TMEM132A: variants seen among roughly 807,000 people sequenced by gnomAD.
The protein encoded by TMEM132A is transmembrane protein 132A.
Under a neutral mutation model 69.9 loss-of-function variants are expected in TMEM132A, and 48 were observed. The observed-to-expected ratio is 0.69, with a 90% confidence interval of 0.55 to 0.87. The LOEUF (loss-of-function observed/expected upper bound fraction) is 0.87. Ranked by LOEUF, TMEM132A falls within the 40% of genes least tolerant of loss-of-function variation. The probability of loss-of-function intolerance (pLI) is 0.00; values close to 1 mark genes in which losing one functional copy is unlikely to be tolerated. For missense variants in TMEM132A, 1,287 were observed against 1,407.2 expected (o/e 0.91, Z 1.37); for synonymous variants, 577 against 613.7 (o/e 0.94, Z 0.88).
chr11:60,934,279 G>T, intron 8 of TMEM132A: 2 of 444,530 alleles, frequency 4.5e-6, no homozygotes, highest in Non-Finnish European at 7.7e-6. Context: ...GGTGATCGAG[G>T]CACAGCGCCA....
At position 60,927,837 on chromosome 11, in the gene TMEM132A, C is replaced by T. The variant is rs369462368; in HGVS notation, c.512C>T (p.Ala171Val). 24 of 1,609,916 alleles carry T rather than the reference C, an allele frequency of 1.5e-5. No homozygotes were observed. Among genetic ancestry groups the T allele is most frequent in the South Asian group, 8.8e-5 (8 of 91,004 alleles). ...CATGCCACACACCCTGCCGGCACTG[C>T]TCACCAAGCCTGCCGCTTCCAGGTG... ...RLHATHPAGT[A>V]HQACRFQPSL... is the part of the protein sequence containing the mutation. Residue 171 changes from alanine (A) to valine (V), a missense_variant, in exon 3 of 11, where the codon GCT (alanine) becomes GTT (valine). Coordinates refer to ENST00000453848, the MANE Select transcript of TMEM132A (RefSeq NM_178031.3).
chr11:60,934,248 G>A (rs1033276643), intron 8 of TMEM132A: 1 of 415,958 alleles, frequency 2.4e-6, no homozygotes, highest in Admixed American at 4.5e-5. Flanking sequence ...TCTCCCCTGC[G>A]GTCCACTTGG....
intron 3 of TMEM132A, among the ~76,000 whole-genome samples, chr11:60,928,206 A>G (rs1397631674): frequency 6.6e-6 from 1 of 152,256 alleles, no homozygotes; most frequent in African/African-American, 2.4e-5. Flanking sequence ...TCAATCAGCC[A>G]GTGTGTTTGC....
chr11:60,932,396 A>G (rs1002938214), intron 7 of TMEM132A: 19 of 342,248 alleles, frequency 5.6e-5, no homozygotes, highest in African/African-American at 3.8e-4. Flanking sequence ...TCGAGAGCAC[A>G]TACTCTGGGA....
rs1264938195 is a variant in TMEM132A, at chr11:60,927,694, G to A, written c.369G>A (p.Val123=). The A allele has an allele frequency of 1.2e-6, 2 of 1,613,610 alleles. No homozygotes were observed. Residue 123 remains valine, a synonymous_variant, in exon 3 of 11, where the codon GTG becomes GTA. Coordinates refer to ENST00000453848, the MANE Select transcript of TMEM132A (RefSeq NM_178031.3). ...EPHQRPVPWD[V]RAVSVEAAVT... ...ACCAACGGCCAGTCCCATGGGACGT[G>A]CGGGCCGTTTCAGTGGAAGCGGCTG...
intron 4 of TMEM132A, among the ~76,000 whole-genome samples, chr11:60,929,557 T>C (rs1307227556): frequency 6.6e-6 from 1 of 152,164 alleles, no homozygotes; most frequent in Non-Finnish European, 1.5e-5. Context: ...CAGGAATCCA[T>C]GGGAGAGGCA....
At chr11:60,934,442 G>C in intron 8 of TMEM132A, 46 bp from the exon 9 acceptor site, 1 of 1,334,354 alleles carries the variant, frequency 7.5e-7, no homozygotes, top group Non-Finnish European at 9.6e-7. Context: ...GGGCAGGCTG[G>C]GGCCGCTCAG....
chr11:60,928,670 G>A lies in TMEM132A; in HGVS notation c.576G>A (p.Ser192=), dbSNP rs147175493. The part of the protein sequence containing the change: ...GACVVELELP[S]HWFSQASTTR... ...GCGTGGTGGAGCTGGAGCTTCCCTC[G>A]CACTGGTTCTCACAGGCCTCCACCA... Residue 192 remains serine (S), a synonymous_variant, in exon 4 of 11, where the codon TCG becomes TCA. Coordinates refer to ENST00000453848, the MANE Select transcript of TMEM132A (RefSeq NM_178031.3). The A allele has an allele frequency of 1.2e-5, 19 of 1,610,614 alleles. No homozygotes were observed. In the East Asian group the frequency reaches 1.8e-4, roughly 15 times the overall value.
At position 60,935,103 on chromosome 11, in the gene TMEM132A, C is replaced by T. The variant is rs904500212; in HGVS notation, c.1837-149C>T. On this transcript the variant is annotated intron_variant, in intron 9 of 10. Coordinates refer to ENST00000453848, the MANE Select transcript of TMEM132A (RefSeq NM_178031.3). The surrounding 1 kb of genome is among the most constrained non-coding windows in gnomAD (Gnocchi z 5.0). ...AGCCCATGAGCCTGCTGGGAGTACC[C>T]GGTTCCCTCTGGGTGGGGGCTGTCC... 8 of 734,592 alleles carry T rather than the reference C, an allele frequency of 1.1e-5. No individual in the cohort carries two copies. Among genetic ancestry groups the T allele is most frequent in the South Asian group, 1.9e-5 (1 of 53,860 alleles). 45.5% of individuals were successfully genotyped at this position (734,592 alleles called of 1,614,324 possible).
At position 60,933,550 on chromosome 11, in the gene TMEM132A, G is replaced by A. The variant is rs1180317232; in HGVS notation, c.1365G>A (p.Glu455=). The A allele has an allele frequency of 6.2e-7, 1 of 1,607,160 alleles. No homozygotes were observed. Among genetic ancestry groups the A allele is most frequent in the South Asian group, 1.1e-5 (1 of 90,830 alleles). Residue 455 remains glutamate, a synonymous_variant, in exon 8 of 11, where the codon GAG becomes GAA. Coordinates refer to ENST00000453848, the MANE Select transcript of TMEM132A (RefSeq NM_178031.3). ...SANTQVLQVS[E]ACDAVFVAGK... is the part of the protein sequence containing the mutation. ...CCTCTGCCCTTCCATAGGTGTCTGA[G>A]GCCTGTGATGCCGTGTTCGTGGCTG...
At position 60,936,714 on chromosome 11, in the gene TMEM132A, G is replaced by A. The variant is rs769485081; in HGVS notation, c.2879G>A (p.Arg960Gln). The stretch of plus-strand genomic sequence containing the variant: ...GCCCGAAAGGAGGCTGGGGGGCGGC[G>A]GAAGCGAGTAGAGTTTGTGACATTT... ...TLARKEAGGR[R>Q]KRVEFVTFAP... Residue 960 changes from arginine to glutamine, a missense_variant, in exon 11 of 11, where the codon CGG becomes CAG. Arg to Gln is a conservative substitution (Grantham distance 43). Coordinates refer to ENST00000453848, the MANE Select transcript of TMEM132A (RefSeq NM_178031.3). 3.5e-5 allele frequency: 55 copies of A among 1,579,420 alleles called. No homozygotes were observed. The highest frequency in any genetic ancestry group is 4.3e-5 in the Non-Finnish European group (50 of 1,163,240).
chr11:60,927,647 C>T lies in TMEM132A; in HGVS notation c.322C>T (p.Pro108Ser). 1 of 1,609,560 alleles carries T rather than the reference C, an allele frequency of 6.2e-7. No individual in the cohort carries two copies. Among genetic ancestry groups the T allele is most frequent in the Non-Finnish European group, 8.5e-7 (1 of 1,178,588 alleles). ...YPPFATQQVV[P>S]PRVTEPHQRP... ...CCTCTCATTCTCCCTCCAGGTGGTC[C>T]CCCCTCGAGTCACTGAGCCCCACCA... Residue 108 changes from proline (P) to serine (S), a missense_variant, in exon 3 of 11, where the codon CCC becomes TCC. By Grantham distance (74) the Pro-to-Ser change is moderately conservative. Coordinates refer to ENST00000453848, the MANE Select transcript of TMEM132A (RefSeq NM_178031.3).
rs1243552066 is a variant in TMEM132A, at chr11:60,934,601, C to G, written c.1673C>G (p.Pro558Arg). ...TTCCTCGCCCCCTTCGCGGCCCACCCGCTGGACGGCGGCCGCCGCCTCACG... is the reference window on the plus strand; with the variant it reads ...TTCCTCGCCCCCTTCGCGGCCCACCGGCTGGACGGCGGCCGCCGCCTCACG... ...VRFLAPFAAH[P>R]LDGGRRLTHL... Residue 558 changes from proline to arginine, a missense_variant, in exon 9 of 11, where the codon CCG (proline) becomes CGG (arginine). By Grantham distance (103) the Pro-to-Arg change is moderately radical (BLOSUM62 -2). Transcript: ENST00000453848. 6.4e-7 allele frequency: 1 copy of G among 1,574,228 alleles called. No individual in the cohort carries two copies. The highest frequency in any genetic ancestry group is 8.6e-7 in the Non-Finnish European group (1 of 1,169,106).
At chr11:60,933,930 C>G (rs1367317998) in intron 8 of TMEM132A, 186 bp downstream of exon 8, 1 of 599,168 alleles carries the variant, frequency 1.7e-6, no homozygotes, top group Non-Finnish European at 2.9e-6. Flanking sequence ...TTGCTGACTT[C>G]CGCATCCCTC....
Position 60,935,243 on chromosome 11 carries a change from C to G in TMEM132A, c.1837-9C>G, listed in dbSNP as rs777414370. 1 of 1,599,076 alleles carries G rather than the reference C, an allele frequency of 6.3e-7. No individual in the cohort carries two copies. The highest frequency in any genetic ancestry group is 1.3e-5 in the African/African-American group (1 of 74,856). On this transcript the variant is annotated splice_polypyrimidine_tract_variant and intron_variant, in intron 9 of 10. Coordinates refer to ENST00000453848, the MANE Select transcript of TMEM132A (RefSeq NM_178031.3). This position sits in a 1 kb window ranked among gnomAD's most constrained non-coding sequence, Gnocchi z 5.0. ...AGGCCCCCCACCTCCAGCTCCTTTC[C>G]ACCCTCAGGTGCGTTCCCCACTGTC...
At position 60,936,696 on chromosome 11, in the gene TMEM132A, A is replaced by G. The variant is rs747127032; in HGVS notation, c.2861A>G (p.Lys954Arg). 1.9e-6 allele frequency: 3 copies of G among 1,569,458 alleles called. No individual in the cohort carries two copies. Among genetic ancestry groups the G allele is most frequent in the Non-Finnish European group, 2.6e-6 (3 of 1,157,848 alleles). ...TTSSSSTLAR[K>R]EAGGRRKRVE... ...AGCTCCTCAAGCACCCTGGCCCGAA[A>G]GGAGGCTGGGGGGCGGCGGAAGCGA... is the stretch of plus-strand genomic sequence containing the variant. Residue 954 changes from lysine to arginine, a missense_variant, in exon 11 of 11, where the codon AAG becomes AGG. Coordinates refer to ENST00000453848, the MANE Select transcript of TMEM132A (RefSeq NM_178031.3).
rs767889863 is a variant in TMEM132A, at chr11:60,936,946, C to A, written c.*39C>A. 2.0e-6 allele frequency: 3 copies of A among 1,486,372 alleles called. No homozygotes were observed. The highest frequency in any genetic ancestry group is 2.7e-6 in the Non-Finnish European group (3 of 1,115,198). 92.1% of individuals were successfully genotyped at this position (1,486,372 alleles called of 1,614,324 possible). A position where few individuals can be genotyped will look rare whatever the true frequency, so the allele number is the denominator to read the frequency against. ...CCTGGTCAGCCACCAGCTGGGGCAA[C>A]GAGGGTGGAGGTCCCACTGAGCCTC... On this transcript the variant is annotated 3_prime_UTR_variant, in exon 11 of 11. Transcript: ENST00000453848.
Position 60,928,954 on chromosome 11 carries a change from C to T in TMEM132A, c.860C>T (p.Thr287Ile), listed in dbSNP as rs769839989. Residue 287 changes from threonine (T) to isoleucine (I), a missense_variant, in exon 4 of 11, where the codon ACC becomes ATC. Thr to Ile is a moderately conservative substitution (Grantham distance 89). Coordinates refer to ENST00000453848, the MANE Select transcript of TMEM132A (RefSeq NM_178031.3). ...LRHNFTASLL[T>I]LRIKVKKGLH... ...CACAACTTCACAGCCAGCCTCCTGA[C>T]CCTGCGGTGAGCACCAGGCCACGGG... 3 of 1,612,132 alleles carry T rather than the reference C, an allele frequency of 1.9e-6. No individual in the cohort carries two copies. In the South Asian group the frequency reaches 3.3e-5, roughly 18 times the overall value.
In TMEM132A at chr11:60,936,388, C is replaced by T. The variant is rs141780852; in HGVS notation, c.2553C>T (p.Tyr851=). The change falls in exon 11 of 11, where the codon TAC becomes TAT. Residue 851 remains tyrosine (Y), a synonymous_variant. Coordinates refer to ENST00000453848, the MANE Select transcript of TMEM132A (RefSeq NM_178031.3). The part of the protein sequence containing the change: ...QHVTELELGM[Y]ALLGVFCVAI... ...TCACTGAGCTAGAGCTGGGCATGTA[C>T]GCCCTGCTGGGAGTCTTCTGCGTGG... is the stretch of plus-strand genomic sequence containing the variant. 1.6e-5 allele frequency: 26 copies of T among 1,614,150 alleles called. No individual in the cohort carries two copies. The highest frequency in any genetic ancestry group is 3.3e-5 in the Admixed American group (2 of 60,034).
Sources: gnomAD v4.1 joint callset for allele counts (sites outside exome capture counted in the v4.1 genomes callset) on GRCh38, gnomAD v4.1.1 for gene constraint, Gnocchi (gnomAD v3.1) non-coding constraint, MANE v1.5 for transcripts, NCBI Gene and HGNC (gene_info 2026-07-23, HGNC 2026-07-21) for gene names.